KIF13A: variants seen among roughly 807,000 people sequenced by gnomAD.
KIF13A encodes kinesin-like protein KIF13A.
In KIF13A, 79 loss-of-function variants were observed where a neutral mutation model predicts 212.2. The observed-to-expected ratio is 0.37, with a 90% CI of 0.31 to 0.45. The LOEUF (loss-of-function observed/expected upper bound fraction) is 0.45. Ranked by LOEUF, KIF13A falls within the 20% of genes least tolerant of loss-of-function variation. The probability of loss-of-function intolerance (pLI) is 1.00; values close to 1 mark genes in which losing one functional copy is unlikely to be tolerated. For synonymous variants in KIF13A, 789 were observed against 808.6 expected (o/e 0.98, Z 0.41); for missense variants, 1,901 against 2,209.0 (o/e 0.86, Z 2.79).
rs775025708 is a variant in KIF13A at position 17,805,546 on chromosome 6, T to G, written c.2233A>C (p.Ile745Leu). ...ATTAATTTATTCTCCAGCTTCTCAA[T>G]GGTCCACACTTGGGTGCTCTTTCCT... Reference protein sequence around the residue: ...RKGKSTQVWTIEKLENKLIDM... With the variant: ...RKGKSTQVWTLEKLENKLIDM... Residue 745 changes from isoleucine (I) to leucine (L), a missense_variant, in exon 19 of 39, where the codon ATT becomes CTT. By Grantham distance (5) the Ile-to-Leu change is conservative (BLOSUM62 2). Around this residue, in one of 5 missense-constraint regions of KIF13A, gnomAD observed 534 missense variants for 536.9 expected, o/e 0.99. Transcript: ENST00000259711. The G allele has an allele frequency of 3.1e-6, 5 of 1,613,766 alleles. No homozygotes were observed. Among genetic ancestry groups the G allele is most frequent in the Non-Finnish European group, 4.2e-6 (5 of 1,179,696 alleles).
intron 2 of KIF13A, among the ~76,000 whole-genome samples, chr6:17,916,496 G>C (rs1774527228): frequency 6.6e-6 from 1 of 152,190 alleles, no homozygotes; most frequent in Non-Finnish European, 1.5e-5. Flanking sequence ...AACCCCATCA[G>C]GCTAGCTGCC....
Position 17,785,436 on chromosome 6 carries a change from G to GA in KIF13A, c.3488+78dup, listed in dbSNP as rs1313276989. The GA allele has an allele frequency of 1.4e-6, 2 of 1,400,416 alleles. No homozygotes were observed. The highest frequency in any genetic ancestry group is 1.9e-6 in the Non-Finnish European group (2 of 1,067,034). The allele number at this position is 1,400,416 out of a possible 1,614,324, so 86.7% of individuals were successfully genotyped here. A position where few individuals can be genotyped will look rare whatever the true frequency, so the allele number is the denominator to read the frequency against. ...GTTGGCATTTTCTGTGACAATCCTG[G>GA]AAAGTCTCTTGCATGGCTCTTGCCA... On this transcript the variant is annotated intron_variant, in intron 28 of 38. Coordinates refer to ENST00000259711, the MANE Select transcript of KIF13A (RefSeq NM_022113.6). The surrounding 1 kb of genome is among the most constrained non-coding windows in gnomAD (Gnocchi z 5.8).
Position 17,839,365 on chromosome 6 carries a change from C to A in KIF13A, c.831-1782G>T, listed in dbSNP as rs1766287361. 6.6e-6 allele frequency among the ~76,000 whole-genome samples: 1 copy of A among 152,140 alleles called. No individual in the cohort carries two copies. Among genetic ancestry groups the A allele is most frequent in the Non-Finnish European group, 1.5e-5 (1 of 68,022 alleles). ...ACATGAATATTCAAAGCAGCTTTAT[C>A]CACAAAAGTCAAAATGTGGAAACGA... On this transcript the variant is annotated intron_variant, in intron 9 of 38. Transcript: ENST00000259711. This position sits in a 1 kb window ranked among gnomAD's most constrained non-coding sequence, Gnocchi z 4.3.
Position 17,987,413 on chromosome 6 carries a change from T to C in KIF13A, c.51A>G (p.Arg17=). Residue 17 remains arginine (R), a synonymous_variant, in exon 1 of 39, where the codon CGA becomes CGG. Coordinates refer to ENST00000259711, the MANE Select transcript of KIF13A (RefSeq NM_022113.6). The surrounding 1 kb of genome is among the most constrained non-coding windows in gnomAD (Gnocchi z 7.7). Reference sequence around the variant, plus strand: ...AAAGAGCGGAAAGCTCCTCACCTCGTCGGTTCATGGGCCGGACCCGGACGG... The same window carrying C: ...AAAGAGCGGAAAGCTCCTCACCTCGCCGGTTCATGGGCCGGACCCGGACGG... ...KVAVRVRPMN[R]RELELNTKCV... is the part of the protein sequence containing the mutation. 1.5e-6 allele frequency: 2 copies of C among 1,371,766 alleles called. No homozygotes were observed. The highest frequency in any genetic ancestry group is 9.7e-7 in the Non-Finnish European group (1 of 1,033,992). The allele number at this position is 1,371,766 out of a possible 1,614,324, so 85.0% of individuals were successfully genotyped here.
intron 9 of KIF13A, among the ~76,000 whole-genome samples, chr6:17,841,326 A>C (rs1328033354): frequency 6.6e-6 from 1 of 152,024 alleles, no homozygotes; most frequent in Non-Finnish European, 1.5e-5. Context: ...TGGCCTCCCA[A>C]AGTGCTGGGA....
In KIF13A at chr6:17,961,986, T is replaced by C. The variant is rs78744829; in HGVS notation, c.146+25068A>G. 3.5e-4 allele frequency among the ~76,000 whole-genome samples: 54 copies of C among 152,350 alleles called. No individual in the cohort carries two copies. Among genetic ancestry groups the C allele is most frequent in the South Asian group, 1.7e-3 (8 of 4,826 alleles). On this transcript the variant is annotated intron_variant, in intron 2 of 38. Coordinates refer to ENST00000259711, the MANE Select transcript of KIF13A (RefSeq NM_022113.6). The surrounding 1 kb of genome is among the most constrained non-coding windows in gnomAD (Gnocchi z 4.1). Reference sequence around the variant, plus strand: ...AATGGTTTTTCTTTTGTGTGGCACCTACATACCAATGTGTCTTATAATTGA... The same window carrying C: ...AATGGTTTTTCTTTTGTGTGGCACCCACATACCAATGTGTCTTATAATTGA...
In KIF13A at chr6:17,779,031, T is replaced by C. The variant is rs373276883; in HGVS notation, c.4008A>G (p.Thr1336=). ...LLAARSENEG[T]SDGETYIEKY... is the part of the protein sequence containing the mutation. Reference sequence around the variant, plus strand: ...TCTCAATGTACGTCTCCCCATCTGATGTGCCTTCGTTTTCACTCCTTGCTG... The same window carrying C: ...TCTCAATGTACGTCTCCCCATCTGACGTGCCTTCGTTTTCACTCCTTGCTG... The change falls in exon 33 of 39, where the codon ACA becomes ACG. Residue 1336 remains threonine, a synonymous_variant. Transcript: ENST00000259711. 6.2e-7 allele frequency: 1 copy of C among 1,613,722 alleles called. No homozygotes were observed. Among genetic ancestry groups the C allele is most frequent in the Non-Finnish European group, 8.5e-7 (1 of 1,179,840 alleles).
At chr6:17,959,729 A>T (rs148312547) in intron 2 of KIF13A, among the ~76,000 whole-genome samples, 1 of 152,360 alleles carries the variant, frequency 6.6e-6, no homozygotes, top group African/African-American at 2.4e-5. Context: ...ATTCAATTAA[A>T]AGCTATCAGT....
rs998413837 is a variant in KIF13A at position 17,976,801 on chromosome 6, C to CAAA, written c.146+10250_146+10252dup. On this transcript the variant is annotated intron_variant, in intron 2 of 38. Coordinates refer to ENST00000259711, the MANE Select transcript of KIF13A (RefSeq NM_022113.6). ...TGGGCAACAGAGCAAGACTCCATCT[C>CAAA]AAAAAAAAAAAAAAAAAAGAGGCTG... is the stretch of plus-strand genomic sequence containing the variant. Among the ~76,000 whole-genome samples, 671 of 98,716 alleles carry CAAA rather than the reference C, an allele frequency of 6.8e-3. 6 individuals carry two copies. Among genetic ancestry groups the CAAA allele is most frequent in the African/African-American group, 0.023 (630 of 27,298 alleles). The allele number at this position is 98,716 out of a possible 152,430, so 64.8% of individuals were successfully genotyped here.
Position 17,987,149 on chromosome 6 carries a change from A to G in KIF13A, c.56-5T>C, listed in dbSNP as rs1358918786. The G allele has an allele frequency of 3.1e-6, 5 of 1,608,480 alleles. No homozygotes were observed. The East Asian group carries it at 1.1e-4, about 36-fold the overall frequency. ...ACTTGGTGTTCAGTTCCAGTTCTGA[A>G]AGCAGAGAGAAAGGGACGTTGCAAA... is the stretch of plus-strand genomic sequence containing the variant. On this transcript the variant is annotated splice_polypyrimidine_tract_variant and splice_region_variant and intron_variant, in intron 1 of 38. Transcript: ENST00000259711. This position sits in a 1 kb window ranked among gnomAD's most constrained non-coding sequence, Gnocchi z 7.7.
intron 2 of KIF13A, among the ~76,000 whole-genome samples, chr6:17,981,426 C>CT (rs565958562): frequency 0.025 from 3,297 of 134,268 alleles, 125 homozygotes; most frequent in African/African-American, 0.069. Context: ...TTTCTTTTTT[C>CT]TTTTTTTTTT....
chr6:17,797,874 G>C (rs1426596643), intron 22 of KIF13A, among the ~76,000 whole-genome samples: 2 of 152,104 alleles, frequency 1.3e-5, no homozygotes, highest in African/African-American at 4.8e-5. Context: ...TTCCAGCCTG[G>C]GCAACAGAGT....
Position 17,873,894 on chromosome 6 carries a change from A to G in KIF13A, c.160-457T>C, listed in dbSNP as rs144281925. Among the ~76,000 whole-genome samples, 316 of 152,278 alleles carry G rather than the reference A, an allele frequency of 2.1e-3. 4 individuals carry two copies. The highest frequency in any genetic ancestry group is 7.1e-3 in the African/African-American group (295 of 41,558). ...GGTGTGAGCCATCGCGCCTGGCCCT[A>G]TGATATTTCTTTTAGACTAAATATA... is the stretch of plus-strand genomic sequence containing the variant. On this transcript the variant is annotated intron_variant, in intron 3 of 38. Coordinates refer to ENST00000259711, the MANE Select transcript of KIF13A (RefSeq NM_022113.6).
At position 17,947,138 on chromosome 6, in the gene KIF13A, A is replaced by G. The variant is rs1301549870; in HGVS notation, c.146+39916T>C. Among the ~76,000 whole-genome samples, 3 of 152,232 alleles carry G rather than the reference A, an allele frequency of 2.0e-5. No individual in the cohort carries two copies. Among genetic ancestry groups the G allele is most frequent in the Admixed American group, 1.3e-4 (2 of 15,278 alleles). On this transcript the variant is annotated intron_variant, in intron 2 of 38. Coordinates refer to ENST00000259711, the MANE Select transcript of KIF13A (RefSeq NM_022113.6). The surrounding 1 kb of genome is among the most constrained non-coding windows in gnomAD (Gnocchi z 4.6). ...TATAATATTAAAGTTGTTAAATTAT[A>G]AAGAAAACTAAGGAAAATAAATATA...
In KIF13A at chr6:17,816,029, T is replaced by G. The variant is rs1763909722; in HGVS notation, c.2000+991A>C. 6.6e-6 allele frequency among the ~76,000 whole-genome samples: 1 copy of G among 151,454 alleles called. No homozygotes were observed. The highest frequency in any genetic ancestry group is 2.1e-4 in the South Asian group (1 of 4,758). On this transcript the variant is annotated intron_variant, in intron 17 of 38. Transcript: ENST00000259711. The surrounding 1 kb of genome is among the most constrained non-coding windows in gnomAD (Gnocchi z 4.3). ...TTCAAGCGATTCTCCTGCCTCAGCC[T>G]CCCAAGTAGCTGGGATTACAGGCGC... is the stretch of plus-strand genomic sequence containing the variant.
At chr6:17,808,952 A>C in intron 17 of KIF13A, 22 bp from the exon 18 acceptor site, 5 of 1,550,928 alleles carry the variant, frequency 3.2e-6, no homozygotes, top group Non-Finnish European at 3.5e-6. Flanking sequence ...TAGAAAAGGG[A>C]ACGAGAAAAT....
In KIF13A at chr6:17,855,338, C is replaced by T. The variant is rs1768043216; in HGVS notation, c.494+99G>A. 1 of 910,826 alleles carries T rather than the reference C, an allele frequency of 1.1e-6. No homozygotes were observed. The highest frequency in any genetic ancestry group is 2.6e-5 in the Admixed American group (1 of 39,154). The allele number at this position is 910,826 out of a possible 1,614,324, so 56.4% of individuals were successfully genotyped here. ...AATGAATGAAAACCAGTGTAGTCAC[C>T]AAGAGCTTAAATACGTATATTCACT... On this transcript the variant is annotated intron_variant, in intron 6 of 38. Coordinates refer to ENST00000259711, the MANE Select transcript of KIF13A (RefSeq NM_022113.6). The surrounding 1 kb of genome is among the most constrained non-coding windows in gnomAD (Gnocchi z 4.1).
At position 17,968,326 on chromosome 6, in the gene KIF13A, T is replaced by C. The variant is rs895704357; in HGVS notation, c.146+18728A>G. ...GAGCTGGAGGAAGAGGCCCTGGCAA[T>C]CTACCAGTACCTCTCCTTTCTCTCA... On this transcript the variant is annotated intron_variant, in intron 2 of 38. Coordinates refer to ENST00000259711, the MANE Select transcript of KIF13A (RefSeq NM_022113.6). The surrounding 1 kb of genome is among the most constrained non-coding windows in gnomAD (Gnocchi z 4.7). Among the ~76,000 whole-genome samples the C allele has an allele frequency of 4.6e-5, 7 of 152,156 alleles. No individual in the cohort carries two copies. Among genetic ancestry groups the C allele is most frequent in the South Asian group, 2.1e-4 (1 of 4,832 alleles).
intron 2 of KIF13A, among the ~76,000 whole-genome samples, chr6:17,985,012 A>G (rs973942558): frequency 1.3e-5 from 2 of 152,226 alleles, no homozygotes; most frequent in African/African-American, 4.8e-5. Context: ...CAAGCTGCAT[A>G]ATGAAAATAA....
Sources: gnomAD v4.1 joint callset for allele counts (sites outside exome capture counted in the v4.1 genomes callset) on GRCh38, gnomAD v4.1.1 for gene constraint, gnomAD v4.1.1 regional missense constraint, Gnocchi (gnomAD v3.1) non-coding constraint, MANE v1.5 for transcripts, NCBI Gene and HGNC (gene_info 2026-07-23, HGNC 2026-07-21) for gene names.